ATAD1: variants seen among roughly 807,000 people sequenced by gnomAD.
The protein encoded by ATAD1 is ATPase family AAA domain containing 1, also known as outer mitochondrial transmembrane helix translocase.
ATAD1 carries 18 observed loss-of-function variants against 42.7 expected under a neutral mutation model. The observed-to-expected ratio is 0.42, with a 90% confidence interval of 0.29 to 0.63. The LOEUF is 0.63. Among genes scored for constraint, ATAD1 ranks in the 20% least tolerant of loss-of-function variants. ATAD1 has a pLI of 0.19. For missense variants in ATAD1, 294 were observed against 440.4 expected, an observed-to-expected ratio of 0.67 and a Z score of 2.98; for synonymous variants, 132 against 143.1, an observed-to-expected ratio of 0.92 and a Z score of 0.55.
chr10:87,802,224 T>C (rs1856731930), intron 2 of ATAD1, among the ~76,000 whole-genome samples: 1 of 152,202 alleles, frequency 6.6e-6, no homozygotes, highest in Admixed American at 6.5e-5. Flanking sequence ...TGGTGTGCTT[T>C]CCTTTAAGGA....
rs192946117 is a variant in ATAD1, at chr10:87,839,160, T to C, written c.-14+2027A>G. Among the ~76,000 whole-genome samples, 294 of 152,356 alleles carry C rather than the reference T, an allele frequency of 1.9e-3. 4 individuals are homozygous for C. In the South Asian group the frequency reaches 0.022, roughly 11 times the overall value. Reference sequence around the variant, plus strand: ...AGAGATCCAATAATTTTGTGCCATGTAGTTGTAACACTTCAAATATATATA... The same window carrying C: ...AGAGATCCAATAATTTTGTGCCATGCAGTTGTAACACTTCAAATATATATA... On this transcript the variant is annotated intron_variant, in intron 1 of 4. Transcript: ENST00000495903.
chr10:87,824,340 T>C (rs961579205), intron 1 of ATAD1, among the ~76,000 whole-genome samples: 1 of 152,234 alleles, frequency 6.6e-6, no homozygotes, highest in African/African-American at 2.4e-5. Context: ...CATTAGAAAC[T>C]AGTCCAATCG....
intron 8 of ATAD1, 104 bp from the exon 9 acceptor site, chr10:87,757,026 T>C (rs1854253900): frequency 1.1e-6 from 1 of 910,374 alleles, no homozygotes; most frequent in Non-Finnish European, 1.5e-6. Flanking sequence ...TATAACTGCA[T>C]GGGAGGAGAA....
At chr10:87,817,855 C>T (rs1857494433) in intron 1 of ATAD1, 1 of 985,456 alleles carries the variant, frequency 1.0e-6, no homozygotes, top group Non-Finnish European at 1.2e-6. Flanking sequence ...CCGGGACGAC[C>T]TCAAACCCCC....
At chr10:87,762,842 G>A (rs889545493) in intron 8 of ATAD1, among the ~76,000 whole-genome samples, 7 of 149,506 alleles carry the variant, frequency 4.7e-5, no homozygotes, top group East Asian at 4.0e-4. Context: ...AGGCTGAGGC[G>A]GGCGGATCAT....
intron 1 of ATAD1, among the ~76,000 whole-genome samples, chr10:87,825,711 TA>T (rs2132101755): frequency 6.6e-6 from 1 of 151,824 alleles, no homozygotes; most frequent in African/African-American, 2.4e-5. Flanking sequence ...TTTTTTTTTT[TA>T]ACTTTTAGAG....
Position 87,753,656 on chromosome 10 carries a change from T to C in ATAD1, c.*1031A>G, listed in dbSNP as rs1427844591. 1 of 152,598 alleles carries C rather than the reference T, an allele frequency of 6.6e-6. No homozygotes were observed. Among genetic ancestry groups the C allele is most frequent in the African/African-American group, 2.4e-5 (1 of 41,458 alleles). The allele number at this position is 152,598 out of a possible 1,614,324, so 9.5% of individuals were successfully genotyped here. ...AATATACTAAGAAAACTAAAATTAA[T>C]TATAAAATGAGTATTTTTAGCACAC... On this transcript the variant is annotated 3_prime_UTR_variant, in exon 10 of 10. Coordinates refer to ENST00000680024, the MANE Select transcript of ATAD1 (RefSeq NM_001321967.2).
At chr10:87,785,700 G>C (rs1053680927) in intron 4 of ATAD1, among the ~76,000 whole-genome samples, 3 of 150,420 alleles carry the variant, frequency 2.0e-5, no homozygotes, top group Non-Finnish European at 4.4e-5. Context: ...AAATAATTTT[G>C]TATGAAAATT....
At chr10:87,806,572 T>C (rs780854544) in intron 2 of ATAD1, among the ~76,000 whole-genome samples, 1 of 152,188 alleles carries the variant, frequency 6.6e-6, no homozygotes, top group Admixed American at 6.5e-5. Flanking sequence ...TTTCAGAATG[T>C]CTACATGGGA....
At chr10:87,819,263 CAAAAAAAAAA>C (rs57941047), upstream of ATAD1, 253 of 53,728 alleles carry the variant, frequency 4.7e-3, 3 homozygotes, top group African/African-American at 0.018. Flanking sequence ...ATCGTCTCTA[CAAAAAAAAAA>C]AAAAAAAAAA....
At chr10:87,768,460 CA>C in intron 7 of ATAD1, among the ~76,000 whole-genome samples, 1 of 152,104 alleles carries the variant, frequency 6.6e-6, no homozygotes. Context: ...TTAAGTGTGT[CA>C]AGTAGGAAGG....
chr10:87,762,918 A>T (rs143231093), intron 8 of ATAD1, among the ~76,000 whole-genome samples: 51,829 of 134,474 alleles, frequency 0.39, 10,375 homozygotes, highest in African/African-American at 0.48. Context: ...AAAAAAAAAA[A>T]ATATATATAT....
intron 1 of ATAD1, among the ~76,000 whole-genome samples, chr10:87,838,126 T>A (rs752708937): frequency 5.9e-5 from 9 of 152,250 alleles, no homozygotes; most frequent in Non-Finnish European, 1.0e-4. Flanking sequence ...AGTAGTACTT[T>A]AAATTCTAGT....
chr10:87,795,346 C>A (rs557478483), intron 2 of ATAD1, among the ~76,000 whole-genome samples: 1 of 151,996 alleles, frequency 6.6e-6, no homozygotes, highest in South Asian at 2.1e-4. Context: ...AAGTGAGCCA[C>A]TAGATAAGCA....
At chr10:87,835,241 G>A (rs1270914463) in intron 1 of ATAD1, among the ~76,000 whole-genome samples, 1 of 151,982 alleles carries the variant, frequency 6.6e-6, no homozygotes, top group Non-Finnish European at 1.5e-5. Flanking sequence ...TATTAGGTAC[G>A]GTTGGGTTGA....
intron 2 of ATAD1, among the ~76,000 whole-genome samples, chr10:87,795,975 T>G (rs1287274682): frequency 1.3e-5 from 2 of 152,204 alleles, no homozygotes; most frequent in Non-Finnish European, 2.9e-5. Flanking sequence ...GTGTTCCAAT[T>G]TAAGTGTATG....
upstream of ATAD1, among the ~76,000 whole-genome samples, chr10:87,821,048 A>T (rs1005005655): frequency 3.9e-5 from 6 of 152,140 alleles, no homozygotes; most frequent in Admixed American, 6.5e-5. Context: ...TTATTACTTT[A>T]TTCTAGAAAG....
rs779365887 is a variant in ATAD1, at chr10:87,754,710, A to T, written c.1063T>A (p.Leu355Ile). The change falls in exon 10 of 10, where the codon TTA becomes ATA. Residue 355 changes from leucine (L) to isoleucine (I), a missense_variant. Coordinates refer to ENST00000680024, the MANE Select transcript of ATAD1 (RefSeq NM_001321967.2). ...KSKDAAFQNV[L>I]THVCLD ...TCTTAATCTAAACAAACATGTGTTA[A>T]AACATTCTGAAATGCTGCATCCTTT... is the stretch of plus-strand genomic sequence containing the variant. The T allele has an allele frequency of 5.6e-6, 9 of 1,613,624 alleles. No individual in the cohort carries two copies. The South Asian group carries it at 7.7e-5, about 14-fold the overall frequency.
intron 1 of ATAD1, among the ~76,000 whole-genome samples, chr10:87,826,360 T>C (rs969475230): frequency 3.9e-5 from 6 of 152,216 alleles, no homozygotes; most frequent in African/African-American, 1.4e-4. Context: ...TCTGAAACCT[T>C]TGAATGTCCA....
Sources: allele counts gnomAD v4.1 joint callset (sites outside exome capture counted in the v4.1 genomes callset), GRCh38; gene constraint gnomAD v4.1.1; transcripts MANE v1.5; gene names NCBI Gene and HGNC (gene_info 2026-07-23, HGNC 2026-07-21).